EYS: variants seen among roughly 807,000 people sequenced by gnomAD.
The protein encoded by EYS is EGF-like photoreceptor maintenance factor.
Under a neutral mutation model 282.1 loss-of-function variants are expected in EYS, and 250 were observed. That is an observed-to-expected ratio of 0.89 (90% confidence interval 0.80 to 0.98). The LOEUF (loss-of-function observed/expected upper bound fraction) is 0.98. Among genes scored for constraint, EYS ranks in the 50% least tolerant of loss-of-function variants. The pLI is 0.00. For synonymous variants in EYS, 1,355 were observed against 1,282.9 expected, an observed-to-expected ratio of 1.06 and a Z score of -1.20; for missense variants, 4,016 against 3,709.0, an observed-to-expected ratio of 1.08 and a Z score of -2.15.
At chr6:64,873,348 T>C (rs902672090) in intron 19 of EYS, among the ~76,000 whole-genome samples, 6 of 151,932 alleles carry the variant, frequency 3.9e-5, no homozygotes, top group Non-Finnish European at 7.4e-5. Context: ...CCACAACATA[T>C]GGGAATTCAA....
At chr6:64,873,712 CAGTT>C (rs150282059) in intron 19 of EYS, among the ~76,000 whole-genome samples, 5,669 of 151,916 alleles carry the variant, frequency 0.037, 185 homozygotes, top group East Asian at 0.16. Context: ...AAAAAATTAT[CAGTT>C]AGTGGGGAGA....
chr6:64,570,735 A>T (rs1457989662), intron 26 of EYS, among the ~76,000 whole-genome samples: 2 of 152,202 alleles, frequency 1.3e-5, no homozygotes, highest in Non-Finnish European at 2.9e-5. Context: ...AGAGCTAACT[A>T]TGCTAAATAT....
chr6:64,458,793 A>G lies in EYS; in HGVS notation c.5645-19441T>C, dbSNP rs779890209. 1.2e-4 allele frequency among the ~76,000 whole-genome samples: 18 copies of G among 152,130 alleles called. No individual in the cohort carries two copies. In the South Asian group the frequency reaches 3.3e-3, roughly 28 times the overall value. On this transcript the variant is annotated intron_variant, in intron 26 of 42. Transcript: ENST00000503581. ...CCTCCATGGAAATCCTCTGATCCCTATATTTTTTATGCTAAATAACCGAGG... is the reference window on the plus strand; with the variant it reads ...CCTCCATGGAAATCCTCTGATCCCTGTATTTTTTATGCTAAATAACCGAGG...
In EYS at chr6:64,439,332, A is replaced by C. The variant is rs781586291; in HGVS notation, c.5665T>G (p.Tyr1889Asp). The C allele has an allele frequency of 7.3e-6, 11 of 1,506,734 alleles. No homozygotes were observed. In the African/African-American group the frequency reaches 1.6e-4, roughly 22 times the overall value. The allele number at this position is 1,506,734 out of a possible 1,614,324, so 93.3% of individuals were successfully genotyped here. A position where few individuals can be genotyped will look rare whatever the true frequency, so the allele number is the denominator to read the frequency against. The change falls in exon 27 of 43, where the codon TAT becomes GAT. Residue 1889 changes from tyrosine to aspartate, a missense_variant. By Grantham distance (160) the Tyr-to-Asp change is radical. Transcript: ENST00000503581. ...MISDFSCVRY[Y>D]GDSYLEFQNV... ...TGAAATTCTAGATAAGAATCTCCAT[A>C]ATAACGAACACAACTGAAATCTGTG...
At chr6:63,958,593 G>A (rs574153828) in intron 35 of EYS, among the ~76,000 whole-genome samples, 2 of 152,356 alleles carry the variant, frequency 1.3e-5, no homozygotes, top group East Asian at 1.9e-4. Context: ...GAGTTTCAAT[G>A]TAGCGAAAGC....
intron 33 of EYS, among the ~76,000 whole-genome samples, chr6:64,004,007 T>G (rs1455173992): frequency 3.9e-5 from 6 of 152,224 alleles, no homozygotes; most frequent in Non-Finnish European, 5.9e-5. Flanking sequence ...TTAGACAGTC[T>G]GGGACAGTCC....
intron 12 of EYS, among the ~76,000 whole-genome samples, chr6:65,179,510 G>A (rs571469784): frequency 3.9e-4 from 60 of 152,170 alleles, no homozygotes; most frequent in Non-Finnish European, 7.8e-4. Context: ...ACTAAACCAG[G>A]AAGAAGTTGA....
chr6:64,929,230 A>C (rs1768625455), intron 15 of EYS, among the ~76,000 whole-genome samples: 1 of 152,104 alleles, frequency 6.6e-6, no homozygotes, highest in East Asian at 1.9e-4. Flanking sequence ...GGCTGAGATG[A>C]GGGTGATTCT....
At position 64,364,162 on chromosome 6, in the gene EYS, T is replaced by TAGGGACCA. The variant is rs566711271; in HGVS notation, c.6078+24520_6078+24527dup. ...ACCAAATTTCTGGCCAAGAAAAATC[T>TAGGGACCA]AGGGACCACGTAATTCCATAAAAAA... On this transcript the variant is annotated intron_variant, in intron 29 of 42. Coordinates refer to ENST00000503581, the MANE Select transcript of EYS (RefSeq NM_001142800.2). Among the ~76,000 whole-genome samples the TAGGGACCA allele has an allele frequency of 1.8e-4, 27 of 152,014 alleles. No homozygotes were observed. The East Asian group carries it at 4.9e-3, about 27-fold the overall frequency.
At chr6:64,604,441 T>C (rs1766862413) in intron 24 of EYS, among the ~76,000 whole-genome samples, 1 of 152,060 alleles carries the variant, frequency 6.6e-6, no homozygotes, top group African/African-American at 2.4e-5. Flanking sequence ...TAAATTTGTA[T>C]GAAGTCTGAA....
chr6:64,497,211 A>G (rs942977049), intron 26 of EYS, among the ~76,000 whole-genome samples: 1 of 152,166 alleles, frequency 6.6e-6, no homozygotes, highest in Non-Finnish European at 1.5e-5. Context: ...AGTGTACAAC[A>G]GAAGACAAAA....
chr6:64,766,649 A>AAAAAAAAAAAAAAATATAT (rs1387919586), intron 22 of EYS, among the ~76,000 whole-genome samples: 1 of 19,050 alleles, frequency 5.2e-5, no homozygotes, highest in African/African-American at 1.8e-4. Flanking sequence ...AAAAAAAAAA[A>AAAAAAAAAAAAAAATATAT]ATATATATAT....
chr6:64,247,611 C>T (rs1767060789), intron 30 of EYS, among the ~76,000 whole-genome samples: 1 of 152,042 alleles, frequency 6.6e-6, no homozygotes, highest in Non-Finnish European at 1.5e-5. Flanking sequence ...AACCGGGACC[C>T]TTTGAAGGAG....
chr6:64,038,177 G>C (rs1358650104), intron 33 of EYS, among the ~76,000 whole-genome samples: 1 of 152,076 alleles, frequency 6.6e-6, no homozygotes, highest in Non-Finnish European at 1.5e-5. Context: ...GGGGGATGTG[G>C]ATAGGGCAGA....
chr6:64,537,928 A>G (rs1764578045), intron 26 of EYS, among the ~76,000 whole-genome samples: 2 of 152,178 alleles, frequency 1.3e-5, no homozygotes, highest in Admixed American at 1.3e-4. Flanking sequence ...TAGATTTTTT[A>G]CTGGGTAAGA....
chr6:64,726,224 C>CT (rs996840120), intron 22 of EYS, among the ~76,000 whole-genome samples: 1 of 152,126 alleles, frequency 6.6e-6, no homozygotes, highest in African/African-American at 2.4e-5. Context: ...CACATCACCT[C>CT]TTTTTCTAGA....
chr6:65,087,466 C>A (rs1424649872), intron 12 of EYS, among the ~76,000 whole-genome samples: 1 of 152,128 alleles, frequency 6.6e-6, no homozygotes, highest in Non-Finnish European at 1.5e-5. Flanking sequence ...CACACATTGG[C>A]TTTATGATAC....
chr6:64,632,132 G>A (rs1767804027), intron 22 of EYS, among the ~76,000 whole-genome samples: 1 of 151,930 alleles, frequency 6.6e-6, no homozygotes, highest in Non-Finnish European at 1.5e-5. Context: ...GAAGCTGAGT[G>A]TTTATTTATA....
At chr6:64,169,431 G>GTTTTTTTT (rs35657029) in intron 31 of EYS, among the ~76,000 whole-genome samples, 10 of 140,980 alleles carry the variant, frequency 7.1e-5, no homozygotes, top group African/African-American at 2.5e-4. Context: ...TTGAGGAGGA[G>GTTTTTTTT]TTTTTTTTTT....
Sources: gnomAD v4.1 joint callset for allele counts (sites outside exome capture counted in the v4.1 genomes callset) on GRCh38, gnomAD v4.1.1 for gene constraint, MANE v1.5 for transcripts, NCBI Gene and HGNC (gene_info 2026-07-23, HGNC 2026-07-21) for gene names.